Variants in HAL observed in about 807,000 individuals in gnomAD.
HAL encodes the protein histidine ammonia-lyase.
A neutral mutation model predicts 81.1 loss-of-function variants in HAL; 85 were observed. That is an observed-to-expected ratio of 1.05 (90% CI 0.88 to 1.25). The LOEUF (loss-of-function observed/expected upper bound fraction) is 1.25. Among genes scored for constraint, HAL ranks in the 50% most tolerant of loss-of-function variants. The pLI is 0.00. For synonymous variants in HAL, 301 were observed against 309.2 expected, an observed-to-expected ratio of 0.97 and a Z score of 0.28; for missense variants, 798 against 836.6, an observed-to-expected ratio of 0.95 and a Z score of 0.57.
chr12:95,975,066 C>G (rs1209034625), intron 20 of HAL, among the ~76,000 whole-genome samples: 2 of 152,170 alleles, frequency 1.3e-5, no homozygotes, highest in East Asian at 3.9e-4. Context: ...CTAAAGCAAG[C>G]CTTAAATGGT....
chr12:95,974,168 C>T lies in HAL; in HGVS notation c.*64G>A, dbSNP rs2080687101. Reference sequence around the variant, plus strand: ...TAGGAAAGTTCTCAGGTCTCTCCTTCAGCCTAGTATTGCTTTGTGCTAAAC... The same window carrying T: ...TAGGAAAGTTCTCAGGTCTCTCCTTTAGCCTAGTATTGCTTTGTGCTAAAC... On this transcript the variant is annotated 3_prime_UTR_variant, in exon 21 of 21. Transcript: ENST00000261208. The T allele has an allele frequency of 1.4e-6, 2 of 1,421,058 alleles. No homozygotes were observed. Among genetic ancestry groups the T allele is most frequent in the African/African-American group, 2.8e-5 (2 of 71,364 alleles). 88.0% of individuals were successfully genotyped at this position (1,421,058 alleles called of 1,614,324 possible).
rs1233852598 is a variant in HAL at position 95,994,835 on chromosome 12, G to C, written c.309-10C>G. 9 of 1,613,968 alleles carry C rather than the reference G, an allele frequency of 5.6e-6. No homozygotes were observed. Among genetic ancestry groups the C allele is most frequent in the Non-Finnish European group, 7.6e-6 (9 of 1,179,866 alleles). On this transcript the variant is annotated splice_polypyrimidine_tract_variant and intron_variant, in intron 3 of 20. Transcript: ENST00000261208. The stretch of plus-strand genomic sequence containing the variant: ...CCGGTACTTGCTGTATCTGTATCCA[G>C]GTAAAGGAACATATAGGGTGGTGTG...
chr12:95,994,672 G>T, intron 4 of HAL, 126 bp downstream of exon 4: 1 of 953,120 alleles, frequency 1.0e-6, no homozygotes, highest in Non-Finnish European at 1.7e-6. Flanking sequence ...CTACAGACAT[G>T]AGTCACTGCT....
rs183450064 is a variant in HAL at position 95,982,750 on chromosome 12, A to T, written c.1287+1161T>A. 1.4e-3 allele frequency among the ~76,000 whole-genome samples: 220 copies of T among 152,322 alleles called. 2 individuals carry two copies. The highest frequency in any genetic ancestry group is 4.2e-3 in the African/African-American group (173 of 41,572). On this transcript the variant is annotated intron_variant, in intron 15 of 20. Transcript: ENST00000261208. ...GGAGCTATCACATAACCATCTTCTAACTCAGCCTGTGACCTGCTTTTGGGG... is the reference window on the plus strand; with the variant it reads ...GGAGCTATCACATAACCATCTTCTATCTCAGCCTGTGACCTGCTTTTGGGG...
intron 20 of HAL, 77 bp from the exon 21 acceptor site, chr12:95,974,449 G>A (rs569014476): frequency 1.3e-5 from 17 of 1,330,140 alleles, no homozygotes; most frequent in East Asian, 4.6e-5. Flanking sequence ...AACTTCATCC[G>A]AAGTCAAAAC....
chr12:95,983,157 G>A (rs1054190445), intron 15 of HAL, among the ~76,000 whole-genome samples: 9 of 152,208 alleles, frequency 5.9e-5, no homozygotes, highest in African/African-American at 1.7e-4. Flanking sequence ...GGAGGCCGAG[G>A]CAGGTGGATC....
chr12:95,985,101 T>C (rs899220752), intron 14 of HAL, among the ~76,000 whole-genome samples: 2 of 152,200 alleles, frequency 1.3e-5, no homozygotes, highest in Non-Finnish European at 2.9e-5. Context: ...AAATAATTTA[T>C]ATTGCCCATA....
At chr12:95,974,739 G>GT (rs925562672) in intron 20 of HAL, among the ~76,000 whole-genome samples, 8 of 151,508 alleles carry the variant, frequency 5.3e-5, no homozygotes, top group African/African-American at 1.2e-4. Flanking sequence ...TTGTTTTTTT[G>GT]TTTTTTTTCT....
intron 17 of HAL, 90 bp from the exon 18 acceptor site, chr12:95,978,168 G>A: frequency 1.1e-6 from 1 of 941,312 alleles, no homozygotes. Context: ...TCCACAGCAT[G>A]GGATACACTC....
intron 9 of HAL, among the ~76,000 whole-genome samples, chr12:95,991,276 G>A (rs1242874299): frequency 6.6e-6 from 1 of 152,014 alleles, no homozygotes; most frequent in Admixed American, 6.6e-5. Flanking sequence ...TTGTTTTACA[G>A]TTCATTGTTT....
At position 95,995,712 on chromosome 12, in the gene HAL, C is replaced by T. The variant is rs1421629658; in HGVS notation, c.199G>A (p.Glu67Lys). The change falls in exon 2 of 21, where the codon GAG (glutamate) becomes AAG (lysine). Residue 67 changes from glutamate (E) to lysine (K), a missense_variant. Coordinates refer to ENST00000261208, the MANE Select transcript of HAL (RefSeq NM_002108.4). The part of the protein sequence containing the change: ...RCKGLGLLDN[E>K]DRLEVALENN... ...TCTAGGGCCACCTCGAGCCGGTCCT[C>T]GTTGTCCAGCAGGCCCAGGCCCTTG... is the stretch of plus-strand genomic sequence containing the variant. 2 of 1,613,672 alleles carry T rather than the reference C, an allele frequency of 1.2e-6. No homozygotes were observed. The highest frequency in any genetic ancestry group is 2.2e-5 in the East Asian group (1 of 44,890).
chr12:95,990,207 G>C, intron 10 of HAL, 186 bp downstream of exon 10: 1 of 669,600 alleles, frequency 1.5e-6, no homozygotes, highest in South Asian at 1.6e-5. Context: ...TGACAGCCGA[G>C]TATAGAAGCT....
chr12:95,992,547 C>G, intron 9 of HAL, 133 bp downstream of exon 9: 1 of 790,018 alleles, frequency 1.3e-6, no homozygotes, highest in Non-Finnish European at 2.1e-6. Flanking sequence ...TACTTTTTGC[C>G]AACGGCATTT....
intron 14 of HAL, among the ~76,000 whole-genome samples, chr12:95,984,830 C>A (rs1399410599): frequency 1.3e-5 from 2 of 152,036 alleles, no homozygotes; most frequent in Non-Finnish European, 2.9e-5. Context: ...CAATTCTTAC[C>A]CATAGGTGTT....
At chr12:95,991,035 G>A (rs564568959) in intron 9 of HAL, among the ~76,000 whole-genome samples, 31 of 152,274 alleles carry the variant, frequency 2.0e-4, no homozygotes, top group Non-Finnish European at 3.8e-4. Context: ...ACTTGAACCC[G>A]TGAGGTGGAG....
intron 2 of HAL, chr12:95,995,208 T>C (rs555818210): frequency 3.3e-6 from 2 of 614,862 alleles, no homozygotes; most frequent in African/African-American, 3.7e-5. Context: ...GGGGTTTAGA[T>C]GAAAGTTCAA....
In HAL at chr12:95,976,589, T is replaced by G. The variant is rs201942023; in HGVS notation, c.1763+9A>C. 1.1e-4 allele frequency: 181 copies of G among 1,599,058 alleles called. No homozygotes were observed. In the African/African-American group the frequency reaches 1.9e-3, roughly 17 times the overall value. The stretch of plus-strand genomic sequence containing the variant: ...CTGATGTAATTTTCAGAGACCTGTT[T>G]GATCTTACCTTACAACAGAGCGCAC... On this transcript the variant is annotated intron_variant, in intron 19 of 20. Transcript: ENST00000261208.
At position 95,979,766 on chromosome 12, in the gene HAL, T is replaced by A. The variant is rs569366418; in HGVS notation, c.1519+790A>T. Reference sequence around the variant, plus strand: ...TGATTAAAATGAGATCCTCATTAATTGAAGTAAAAGCACATTTTTGCATGC... The same window carrying A: ...TGATTAAAATGAGATCCTCATTAATAGAAGTAAAAGCACATTTTTGCATGC... On this transcript the variant is annotated intron_variant, in intron 17 of 20. Coordinates refer to ENST00000261208, the MANE Select transcript of HAL (RefSeq NM_002108.4). 2.1e-3 allele frequency among the ~76,000 whole-genome samples: 317 copies of A among 152,386 alleles called. 1 individual carries two copies. Among genetic ancestry groups the A allele is most frequent in the African/African-American group, 6.8e-3 (282 of 41,596 alleles).
chr12:95,992,379 T>G (rs17024956), intron 9 of HAL, among the ~76,000 whole-genome samples: 18,692 of 152,244 alleles, frequency 0.12, 1,390 homozygotes, highest in East Asian at 0.33. Flanking sequence ...TTAATCCAAG[T>G]TTCTTCTAGG....
Sources: allele counts gnomAD v4.1 joint callset (sites outside exome capture counted in the v4.1 genomes callset), GRCh38; gene constraint gnomAD v4.1.1; transcripts MANE v1.5; gene names NCBI Gene and HGNC (gene_info 2026-07-23, HGNC 2026-07-21).